The following SLC10A7 variants were observed in gnomAD, a reference collection of about 807,000 sequenced individuals.
SLC10A7 encodes the protein solute carrier family 10 member 7, also known as sodium/bile acid cotransporter 7.
SLC10A7 carries 29 observed loss-of-function variants against 43.2 expected under a neutral mutation model. The ratio of observed to expected loss-of-function variants is 0.67; its 90% CI spans 0.50 to 0.92. The LOEUF is 0.92. Among genes scored for constraint, SLC10A7 ranks in the 40% least tolerant of loss-of-function variants. The pLI is 0.00. For synonymous variants in SLC10A7, 152 were observed against 144.8 expected (o/e 1.05, Z -0.35); for missense variants, 295 against 403.2 (o/e 0.73, Z 2.30).
chr4:146,499,705 T>TG (rs1275085041), intron 4 of SLC10A7, among the ~76,000 whole-genome samples: 3 of 152,186 alleles, frequency 2.0e-5, no homozygotes, highest in African/African-American at 7.2e-5. Context: ...CTTATACCCC[T>TG]GGTCTACAAA....
intron 5 of SLC10A7, among the ~76,000 whole-genome samples, chr4:146,435,437 A>T (rs957199586): frequency 2.6e-4 from 40 of 152,194 alleles, no homozygotes; most frequent in African/African-American, 9.2e-4. Flanking sequence ...ACAAAACTTT[A>T]AAAAAGTTCT....
chr4:146,440,856 C>A (rs2149888109), intron 5 of SLC10A7, among the ~76,000 whole-genome samples: 1 of 152,248 alleles, frequency 6.6e-6, no homozygotes, highest in South Asian at 2.1e-4. Flanking sequence ...ATGCCATTTC[C>A]TCTCCTCTCT....
chr4:146,280,827 A>G (rs1729503608), intron 10 of SLC10A7, among the ~76,000 whole-genome samples: 1 of 152,148 alleles, frequency 6.6e-6, no homozygotes, highest in African/African-American at 2.4e-5. Flanking sequence ...GAAGCCAAAT[A>G]TGATCAAGGG....
intron 5 of SLC10A7, among the ~76,000 whole-genome samples, chr4:146,342,175 C>T (rs528550054): frequency 6.6e-6 from 1 of 151,856 alleles, no homozygotes; most frequent in South Asian, 2.1e-4. Context: ...CTCTATATTT[C>T]CTGGAGCTCT....
intron 4 of SLC10A7, among the ~76,000 whole-genome samples, chr4:146,449,665 A>AACC (rs1241218446): frequency 3.3e-5 from 5 of 152,068 alleles, no homozygotes; most frequent in East Asian, 1.9e-4. Flanking sequence ...TAAAAACACA[A>AACC]ACCACCACCA....
chr4:146,496,636 A>T (rs1433006727), intron 4 of SLC10A7, among the ~76,000 whole-genome samples: 1 of 152,156 alleles, frequency 6.6e-6, no homozygotes, highest in Non-Finnish European at 1.5e-5. Context: ...TTACCATTAG[A>T]GCATACCCCT....
At chr4:146,329,346 C>A (rs1459321869) in intron 5 of SLC10A7, among the ~76,000 whole-genome samples, 1 of 152,066 alleles carries the variant, frequency 6.6e-6, no homozygotes, top group Non-Finnish European at 1.5e-5. Context: ...TTAGTAAAGT[C>A]ATCATGATTA....
intron 5 of SLC10A7, among the ~76,000 whole-genome samples, chr4:146,398,221 T>C (rs553076359): frequency 3.9e-5 from 6 of 152,336 alleles, no homozygotes; most frequent in Non-Finnish European, 7.4e-5. Context: ...CAATTTGACA[T>C]TTATTTTGGC....
At chr4:146,299,258 G>A (rs1023739325) in intron 7 of SLC10A7, among the ~76,000 whole-genome samples, 2 of 152,280 alleles carry the variant, frequency 1.3e-5, no homozygotes, top group South Asian at 4.1e-4. Flanking sequence ...TGATTCCTCT[G>A]AACTAGCACA....
chr4:146,349,101 G>T (rs1030490249), intron 5 of SLC10A7, among the ~76,000 whole-genome samples: 4 of 152,110 alleles, frequency 2.6e-5, no homozygotes, highest in African/African-American at 7.2e-5. Context: ...TTTTTCAAAT[G>T]ATTTTTGCTG....
At chr4:146,453,647 T>A (rs927326804) in intron 4 of SLC10A7, among the ~76,000 whole-genome samples, 4 of 152,094 alleles carry the variant, frequency 2.6e-5, no homozygotes, top group East Asian at 3.9e-4. Flanking sequence ...AGGCTTTTTT[T>A]AAAAAGGCAC....
At chr4:146,348,846 T>C (rs1734814290) in intron 5 of SLC10A7, among the ~76,000 whole-genome samples, 1 of 152,314 alleles carries the variant, frequency 6.6e-6, no homozygotes, top group Non-Finnish European at 1.5e-5. Flanking sequence ...TGTGTAACAG[T>C]CGCACTTTGT....
intron 5 of SLC10A7, among the ~76,000 whole-genome samples, chr4:146,416,029 C>T (rs1438679568): frequency 6.6e-6 from 1 of 152,176 alleles, no homozygotes; most frequent in African/African-American, 2.4e-5. Flanking sequence ...TGGCTGCTCT[C>T]CCAGACATAC....
chr4:146,329,019 A>T (rs1178228236), intron 5 of SLC10A7, among the ~76,000 whole-genome samples: 1 of 152,242 alleles, frequency 6.6e-6, no homozygotes, highest in Non-Finnish European at 1.5e-5. Context: ...TACTAAAGAA[A>T]ATCAGTGAGA....
At chr4:146,363,879 T>C (rs2679154) in intron 5 of SLC10A7, among the ~76,000 whole-genome samples, 1,653 of 151,824 alleles carry the variant, frequency 0.011, 25 homozygotes, top group African/African-American at 0.037. Context: ...TTTATAGCAA[T>C]AAACACCTAA....
intron 6 of SLC10A7, among the ~76,000 whole-genome samples, chr4:146,315,741 C>T (rs578097074): frequency 6.6e-6 from 1 of 152,110 alleles, no homozygotes; most frequent in East Asian, 1.9e-4. Flanking sequence ...TCAGATTAAT[C>T]TTTGTAGTAC....
chr4:146,386,822 T>C (rs1367385746), intron 5 of SLC10A7, among the ~76,000 whole-genome samples: 4 of 152,196 alleles, frequency 2.6e-5, no homozygotes, highest in Admixed American at 2.6e-4. Context: ...GAAGGACAAT[T>C]ATTTGTATAT....
chr4:146,479,146 G>A (rs765861386), intron 4 of SLC10A7, among the ~76,000 whole-genome samples: 3 of 152,016 alleles, frequency 2.0e-5, no homozygotes, highest in Non-Finnish European at 4.4e-5. Flanking sequence ...ATGTTACCCT[G>A]CAATATGATA....
chr4:146,442,237 T>TTTTA, intron 5 of SLC10A7: 6 of 819,532 alleles, frequency 7.3e-6, no homozygotes, highest in Non-Finnish European at 8.8e-6. Context: ...TTTTGAATCT[T>TTTTA]TATATATATA....
Sources: gnomAD v4.1 joint callset for allele counts (sites outside exome capture counted in the v4.1 genomes callset) on GRCh38, gnomAD v4.1.1 for gene constraint, MANE v1.5 for transcripts, NCBI Gene and HGNC (gene_info 2026-07-23, HGNC 2026-07-21) for gene names.